Variants in COL28A1 observed in about 807,000 individuals in gnomAD.
COL28A1 encodes collagen type XXVIII alpha 1 chain.
A neutral mutation model predicts 150.2 loss-of-function variants in COL28A1; 161 were observed. That is an observed-to-expected ratio of 1.07 (90% CI 0.94 to 1.22). The LOEUF (loss-of-function observed/expected upper bound fraction) is 1.22, where lower values mean the gene tolerates loss of function less well. Ranked by LOEUF, COL28A1 falls within the 50% of genes most tolerant of loss-of-function variation. The pLI, the probability that COL28A1 is intolerant of heterozygous loss-of-function variation, is 0.00. For missense variants in COL28A1, 1,617 were observed against 1,388.3 expected (o/e 1.16, Z -2.62); for synonymous variants, 552 against 469.7 (o/e 1.18, Z -2.26).
the COL28A1 span, among the ~76,000 whole-genome samples, chr7:7,339,015 G>A: frequency 2.6e-5 from 4 of 152,232 alleles, no homozygotes; most frequent in African/African-American, 9.6e-5. Context: ...AAAACTCTGA[G>A]TAGGCTCATC....
chr7:7,417,430 C>T (rs933743906), intron 27 of COL28A1, among the ~76,000 whole-genome samples: 1 of 144,736 alleles, frequency 6.9e-6, no homozygotes, highest in South Asian at 2.2e-4. Context: ...TAGGTGATTC[C>T]ACTGTGAGCT....
intron 19 of COL28A1, 78 bp downstream of exon 19, chr7:7,444,340 A>G: frequency 6.3e-7 from 1 of 1,590,258 alleles, no homozygotes; most frequent in South Asian, 1.1e-5. Context: ...GAATGGTTTT[A>G]TTCGAGCTCC....
Position 7,521,981 on chromosome 7 carries a change from T to A in COL28A1, c.703-20A>T, listed in dbSNP as rs779895639. The A allele has an allele frequency of 1.1e-6, 1 of 919,512 alleles. No individual in the cohort carries two copies. Among genetic ancestry groups the A allele is most frequent in the South Asian group, 1.3e-5 (1 of 77,386 alleles). 57.0% of individuals were successfully genotyped at this position (919,512 alleles called of 1,614,324 possible). On this transcript the variant is annotated intron_variant, in intron 4 of 34. Transcript: ENST00000399429. ...TTCACACTGAATCAATAATGAAATA[T>A]GATATTAACACACAGTGAAATTCAA...
intron 11 of COL28A1, among the ~76,000 whole-genome samples, chr7:7,497,984 C>T (rs149058406): frequency 4.5e-4 from 69 of 152,210 alleles, no homozygotes; most frequent in African/African-American, 1.5e-3. Context: ...ATATACTCTA[C>T]GTACTTGTGC....
At chr7:7,499,455 A>G (rs951857525) in intron 11 of COL28A1, among the ~76,000 whole-genome samples, 72 of 152,306 alleles carry the variant, frequency 4.7e-4, no homozygotes, top group African/African-American at 1.7e-3. Context: ...AAATACAGTC[A>G]TTCTGTTAAG....
intron 2 of COL28A1, 68 bp from the exon 3 acceptor site, chr7:7,531,972 G>T: frequency 1.1e-6 from 1 of 907,398 alleles, no homozygotes; most frequent in Non-Finnish European, 1.7e-6. Context: ...CATACGGAAA[G>T]CCCTGAAGTG....
intron 33 of COL28A1, among the ~76,000 whole-genome samples, chr7:7,367,435 A>G (rs1780992945): frequency 6.6e-6 from 1 of 152,168 alleles, no homozygotes; most frequent in East Asian, 1.9e-4. Context: ...GTGCTTCTTT[A>G]AAAAGAGCCA....
chr7:7,490,729 G>A (rs970441213), intron 11 of COL28A1, 83 bp from the exon 12 acceptor site: 2 of 665,464 alleles, frequency 3.0e-6, no homozygotes, highest in Non-Finnish European at 5.3e-6. Context: ...GTATGGTTTT[G>A]CAATAGGGGC....
At chr7:7,402,597 C>G (rs571603951) in intron 27 of COL28A1, among the ~76,000 whole-genome samples, 1 of 152,324 alleles carries the variant, frequency 6.6e-6, no homozygotes, top group Admixed American at 6.5e-5. Flanking sequence ...CCAGTTCTAT[C>G]AGGCACTAAA....
chr7:7,368,268 A>G (rs1229615192), intron 33 of COL28A1, among the ~76,000 whole-genome samples: 3 of 152,072 alleles, frequency 2.0e-5, no homozygotes, highest in African/African-American at 7.2e-5. Context: ...ATTAGTCCTT[A>G]AATTACCTGT....
Position 7,502,703 on chromosome 7 carries a change from T to C in COL28A1, c.1026+3311A>G, listed in dbSNP as rs1448297156. Among the ~76,000 whole-genome samples the C allele has an allele frequency of 6.9e-5, 3 of 43,490 alleles. 1 individual carries two copies. The East Asian group carries it at 1.9e-3, about 28-fold the overall frequency. 28.5% of individuals were successfully genotyped at this position (43,490 alleles called of 152,430 possible). On this transcript the variant is annotated intron_variant, in intron 11 of 34. Transcript: ENST00000399429. ...AGATATTCCCTTCCTTTTTTTTTTT[T>C]TTTTTTTTTTTTGAGACGGAGTCTT...
chr7:7,415,599 T>C (rs1326179464), intron 27 of COL28A1, among the ~76,000 whole-genome samples: 1 of 152,156 alleles, frequency 6.6e-6, no homozygotes, highest in African/African-American at 2.4e-5. Flanking sequence ...AGTGGTGCGA[T>C]CTTGGCTCAC....
intron 28 of COL28A1, 36 bp from the exon 29 acceptor site, chr7:7,380,898 G>A (rs2128288831): frequency 1.3e-6 from 2 of 1,547,350 alleles, no homozygotes; most frequent in Non-Finnish European, 8.9e-7. Flanking sequence ...GGTTCAGAAT[G>A]TGAATCTAAA....
At chr7:7,368,446 CTAGT>C (rs1781054002) in intron 33 of COL28A1, among the ~76,000 whole-genome samples, 1 of 151,194 alleles carries the variant, frequency 6.6e-6, no homozygotes, top group Non-Finnish European at 1.5e-5. Flanking sequence ...TGAAAAACTC[CTAGT>C]TATTCTTAAA....
chr7:7,406,914 A>G (rs1175678644), intron 27 of COL28A1, among the ~76,000 whole-genome samples: 2 of 152,080 alleles, frequency 1.3e-5, no homozygotes, highest in Non-Finnish European at 1.5e-5. Context: ...GAAGCTTTTT[A>G]AGCAAGGAAG....
chr7:7,508,475 T>C (rs772098495), intron 9 of COL28A1, among the ~76,000 whole-genome samples: 1 of 152,192 alleles, frequency 6.6e-6, no homozygotes, highest in Non-Finnish European at 1.5e-5. Flanking sequence ...CGGCTGTCCT[T>C]TGTCTCTCAT....
intron 27 of COL28A1, among the ~76,000 whole-genome samples, chr7:7,413,487 G>C (rs1312138693): frequency 6.6e-6 from 1 of 152,162 alleles, no homozygotes; most frequent in African/African-American, 2.4e-5. Flanking sequence ...TTGCAATTAA[G>C]TACAGCCGCG....
chr7:7,444,563 C>A, intron 18 of COL28A1, 74 bp from the exon 19 acceptor site: 1 of 1,405,726 alleles, frequency 7.1e-7, no homozygotes, highest in Non-Finnish European at 9.9e-7. Flanking sequence ...TTGGATGTAT[C>A]TTACAGTGTC....
intron 27 of COL28A1, among the ~76,000 whole-genome samples, chr7:7,415,483 G>C (rs1166443522): frequency 6.6e-6 from 1 of 152,210 alleles, no homozygotes; most frequent in African/African-American, 2.4e-5. Flanking sequence ...CCTCTGCCCT[G>C]CTACCAACTG....
Sources: gnomAD v4.1 joint callset for allele counts (sites outside exome capture counted in the v4.1 genomes callset) on GRCh38, gnomAD v4.1.1 for gene constraint, MANE v1.5 for transcripts, NCBI Gene and HGNC (gene_info 2026-07-23, HGNC 2026-07-21) for gene names.